NELL1: variants seen among roughly 807,000 people sequenced by gnomAD.
NELL1 encodes protein kinase C-binding protein NELL1.
NELL1 carries 76 observed loss-of-function variants against 107.4 expected under a neutral mutation model. The ratio of observed to expected loss-of-function variants is 0.71; its 90% CI spans 0.59 to 0.86. The LOEUF is 0.86. NELL1 is among the 40% of genes least tolerant of loss of function. The probability of loss-of-function intolerance (pLI) is 0.00; values close to 1 mark genes in which losing one functional copy is unlikely to be tolerated. For missense variants in NELL1, 1,024 were observed against 1,005.5 expected (o/e 1.02, Z -0.25); for synonymous variants, 353 against 341.2 (o/e 1.03, Z -0.38).
intron 3 of NELL1, among the ~76,000 whole-genome samples, chr11:20,785,261 C>G (rs1856930859): frequency 1.3e-5 from 2 of 152,212 alleles, no homozygotes; most frequent in South Asian, 2.1e-4. Flanking sequence ...TTCTCAGCCT[C>G]AAAGCGTGGT....
intron 15 of NELL1, among the ~76,000 whole-genome samples, chr11:21,386,390 TA>T (rs1174753918): frequency 1.3e-5 from 2 of 151,932 alleles, no homozygotes; most frequent in African/African-American, 2.4e-5. Flanking sequence ...CATCTTTTTT[TA>T]AAAAAACCTT....
intron 14 of NELL1, among the ~76,000 whole-genome samples, chr11:21,267,127 A>G (rs1339468773): frequency 2.0e-5 from 3 of 152,100 alleles, no homozygotes; most frequent in African/African-American, 7.2e-5. Flanking sequence ...AATAACAAAG[A>G]GAGATGAAGA....
intron 15 of NELL1, among the ~76,000 whole-genome samples, chr11:21,471,092 G>C (rs1281055168): frequency 6.6e-6 from 1 of 152,056 alleles, no homozygotes; most frequent in African/African-American, 2.4e-5. Context: ...GCCTTCAAAG[G>C]ACTTCTTTCC....
At chr11:21,036,116 G>T (rs1179577150) in intron 12 of NELL1, among the ~76,000 whole-genome samples, 1 of 152,198 alleles carries the variant, frequency 6.6e-6, no homozygotes, top group East Asian at 1.9e-4. Context: ...GCCAAATCAG[G>T]AATGCAGTCT....
At chr11:21,333,314 C>A (rs929520497) in intron 14 of NELL1, among the ~76,000 whole-genome samples, 1 of 151,984 alleles carries the variant, frequency 6.6e-6, no homozygotes, top group African/African-American at 2.4e-5. Context: ...CATTTACTTC[C>A]TTTCTTTCTA....
At chr11:21,152,543 C>A (rs2133788647) in intron 13 of NELL1, among the ~76,000 whole-genome samples, 1 of 152,206 alleles carries the variant, frequency 6.6e-6, no homozygotes, top group African/African-American at 2.4e-5. Context: ...AAGGAAAGGG[C>A]AAAGCTGAGG....
chr11:21,226,949 C>T (rs1267020123), intron 13 of NELL1, among the ~76,000 whole-genome samples: 2 of 152,000 alleles, frequency 1.3e-5, no homozygotes, highest in East Asian at 1.9e-4. Flanking sequence ...GAAACAAACT[C>T]GTACATTTGT....
At chr11:21,000,613 A>G (rs1254116837) in intron 12 of NELL1, among the ~76,000 whole-genome samples, 2 of 152,240 alleles carry the variant, frequency 1.3e-5, no homozygotes, top group Non-Finnish European at 2.9e-5. Context: ...AAAGAGTGAT[A>G]TAATGCCTCC....
intron 2 of NELL1, among the ~76,000 whole-genome samples, chr11:20,763,513 C>G (rs931055270): frequency 5.9e-5 from 9 of 152,042 alleles, no homozygotes; most frequent in Admixed American, 5.2e-4. Flanking sequence ...TAAATATCAC[C>G]CAGATACTAA....
rs140168084 is a variant in NELL1, at chr11:21,180,542, A to T, written c.1427-48790A>T. On this transcript the variant is annotated intron_variant, in intron 13 of 19. Coordinates refer to ENST00000357134, the MANE Select transcript of NELL1 (RefSeq NM_006157.5). ...TGAAAGAGAAATGAGTTGGCAAATA[A>T]AGTAGAAATAAATCATCTATTTCTA... Among the ~76,000 whole-genome samples the T allele has an allele frequency of 2.0e-5, 3 of 151,942 alleles. 1 individual carries two copies. The highest frequency in any genetic ancestry group is 7.3e-5 in the African/African-American group (3 of 41,234).
At chr11:20,945,022 G>A (rs576161517) in intron 10 of NELL1, among the ~76,000 whole-genome samples, 1 of 152,072 alleles carries the variant, frequency 6.6e-6, no homozygotes, top group African/African-American at 2.4e-5. Context: ...GAAGAAAATG[G>A]GAATCACTCC....
chr11:20,699,003 G>T (rs529760319), intron 2 of NELL1, among the ~76,000 whole-genome samples: 30 of 152,166 alleles, frequency 2.0e-4, no homozygotes, highest in African/African-American at 6.0e-4. Flanking sequence ...GATCACCTGA[G>T]GTCAGGAGTT....
rs116153852 is a variant in NELL1, at chr11:20,978,302, C to T, written c.1300+17742C>T. Among the ~76,000 whole-genome samples, 1,299 of 152,184 alleles carry T rather than the reference C, an allele frequency of 8.5e-3. 19 individuals carry two copies. The highest frequency in any genetic ancestry group is 0.03 in the African/African-American group (1,255 of 41,520). Reference sequence around the variant, plus strand: ...TCAGCATGTACTCTATGATAGTCACCGCGAAGCTAGGTATTACTATTATTC... The same window carrying T: ...TCAGCATGTACTCTATGATAGTCACTGCGAAGCTAGGTATTACTATTATTC... On this transcript the variant is annotated intron_variant, in intron 12 of 19. Coordinates refer to ENST00000357134, the MANE Select transcript of NELL1 (RefSeq NM_006157.5).
At chr11:21,280,848 G>T (rs1368938056) in intron 14 of NELL1, among the ~76,000 whole-genome samples, 3 of 151,936 alleles carry the variant, frequency 2.0e-5, no homozygotes, top group Non-Finnish European at 4.4e-5. Context: ...CATTATTTAA[G>T]GTTCCAAAGC....
In NELL1 at chr11:21,079,878, C is replaced by A. The variant is rs566295514; in HGVS notation, c.1301-33711C>A. On this transcript the variant is annotated intron_variant, in intron 12 of 19. Transcript: ENST00000357134. ...AGTTGCTAAAGTGCTATGAATGCCA[C>A]TTACAGTAGAAGATAATAAAGTTTC... Among the ~76,000 whole-genome samples, 8 of 152,102 alleles carry A rather than the reference C, an allele frequency of 5.3e-5. No homozygotes were observed. The South Asian group carries it at 1.0e-3, about 20-fold the overall frequency.
chr11:21,569,858 C>T (rs1857058395), intron 17 of NELL1, among the ~76,000 whole-genome samples: 1 of 151,764 alleles, frequency 6.6e-6, no homozygotes, highest in Non-Finnish European at 1.5e-5. Context: ...GTTATATGTT[C>T]TTTAAGGTAA....
intron 14 of NELL1, among the ~76,000 whole-genome samples, chr11:21,363,471 G>A (rs1355870798): frequency 6.6e-6 from 1 of 152,100 alleles, no homozygotes; most frequent in Admixed American, 6.5e-5. Context: ...CACAGAATTT[G>A]CTTCTTTCAA....
intron 15 of NELL1, among the ~76,000 whole-genome samples, chr11:21,495,090 G>A (rs532455801): frequency 2.8e-4 from 42 of 152,106 alleles, no homozygotes; most frequent in Admixed American, 7.2e-4. Context: ...TGCAACCATT[G>A]CCAATAGCTA....
intron 3 of NELL1, among the ~76,000 whole-genome samples, chr11:20,787,717 T>C (rs1250673458): frequency 1.3e-5 from 2 of 152,220 alleles, no homozygotes; most frequent in African/African-American, 4.8e-5. Flanking sequence ...ATGGGCATTA[T>C]TAGATTCCTA....
Sources: allele counts gnomAD v4.1 joint callset (sites outside exome capture counted in the v4.1 genomes callset), GRCh38; gene constraint gnomAD v4.1.1; transcripts MANE v1.5; gene names NCBI Gene and HGNC (gene_info 2026-07-23, HGNC 2026-07-21).